Variants in DLGAP2 observed in about 807,000 individuals in gnomAD.
DLGAP2 encodes the protein DLG associated protein 2.
Under a neutral mutation model 100.3 loss-of-function variants are expected in DLGAP2, and 26 were observed. That is an observed-to-expected ratio of 0.26 (90% CI 0.19 to 0.36). DLGAP2 has a LOEUF of 0.36. DLGAP2 is among the 10% of genes least tolerant of loss of function. The pLI, the probability that DLGAP2 is intolerant of heterozygous loss-of-function variation, is 1.00. For synonymous variants in DLGAP2, 886 were observed against 630.1 expected, an observed-to-expected ratio of 1.41 and a Z score of -6.08; for missense variants, 1,858 against 1,453.2, an observed-to-expected ratio of 1.28 and a Z score of -4.53.
intron 4 of DLGAP2, among the ~76,000 whole-genome samples, chr8:1,543,654 C>G (rs1269216096): frequency 1.3e-5 from 2 of 152,116 alleles, no homozygotes; most frequent in Admixed American, 6.5e-5. Context: ...GTTTTTGCTT[C>G]TCAGGACCCA....
chr8:1,241,701 A>G (rs942922960), intron 2 of DLGAP2, among the ~76,000 whole-genome samples: 10 of 152,108 alleles, frequency 6.6e-5, no homozygotes, highest in African/African-American at 2.4e-4. Context: ...TTTCAGGGCA[A>G]GTGTGTAATT....
chr8:1,302,807 C>A (rs1380561930), intron 3 of DLGAP2, among the ~76,000 whole-genome samples: 1 of 152,270 alleles, frequency 6.6e-6, no homozygotes, highest in African/African-American at 2.4e-5. Context: ...CTCTTCCCCT[C>A]GCCCCAGGAG....
At chr8:1,252,916 G>A (rs1428812434) in intron 2 of DLGAP2, among the ~76,000 whole-genome samples, 1 of 152,228 alleles carries the variant, frequency 6.6e-6, no homozygotes, top group East Asian at 1.9e-4. Flanking sequence ...GAGGGAGGCA[G>A]AGGAGGACAG....
At chr8:1,189,116 C>T (rs1467507327) in intron 2 of DLGAP2, among the ~76,000 whole-genome samples, 2 of 142,074 alleles carry the variant, frequency 1.4e-5, no homozygotes, top group Non-Finnish European at 3.0e-5. Flanking sequence ...ACACAGGGTT[C>T]GGGCCCCATG....
intron 3 of DLGAP2, among the ~76,000 whole-genome samples, chr8:1,462,587 C>T (rs1003979617): frequency 2.0e-5 from 3 of 152,126 alleles, no homozygotes; most frequent in African/African-American, 7.2e-5. Context: ...GCTGCTGTCA[C>T]GGGACTGTGG....
chr8:1,023,484 C>A (rs1231463902), intron 2 of DLGAP2, among the ~76,000 whole-genome samples: 8 of 152,178 alleles, frequency 5.3e-5, no homozygotes, highest in African/African-American at 1.9e-4. Context: ...TTGCACACCG[C>A]AGCACCTGGC....
intron 14 of DLGAP2, 35 bp from the exon 15 acceptor site, chr8:1,701,153 A>G: frequency 6.5e-7 from 1 of 1,542,486 alleles, no homozygotes. Context: ...CCCTCCTCCG[A>G]GCACCTGCCA....
chr8:1,081,623 T>C (rs1345701141), intron 2 of DLGAP2, among the ~76,000 whole-genome samples: 1 of 152,202 alleles, frequency 6.6e-6, no homozygotes, highest in Non-Finnish European at 1.5e-5. Context: ...AGTGCATGGA[T>C]TACAGGCGTG....
At chr8:1,056,318 G>C (rs1052755559) in intron 2 of DLGAP2, among the ~76,000 whole-genome samples, 1 of 152,148 alleles carries the variant, frequency 6.6e-6, no homozygotes, top group Non-Finnish European at 1.5e-5. Flanking sequence ...TCACATAACT[G>C]TTCCGTGCAT....
At chr8:1,319,009 G>A (rs1452615155) in intron 3 of DLGAP2, among the ~76,000 whole-genome samples, 1 of 152,094 alleles carries the variant, frequency 6.6e-6, no homozygotes, top group Non-Finnish European at 1.5e-5. Flanking sequence ...GGAGATTTAG[G>A]TGGTGTATCA....
intron 2 of DLGAP2, among the ~76,000 whole-genome samples, chr8:1,185,296 A>G (rs944635786): frequency 1.6e-4 from 25 of 152,066 alleles, no homozygotes; most frequent in African/African-American, 5.3e-4. Context: ...CTGTGGTGCA[A>G]TGGACATAAG....
At chr8:1,305,311 TG>T (rs879295306) in intron 3 of DLGAP2, among the ~76,000 whole-genome samples, 1 of 152,212 alleles carries the variant, frequency 6.6e-6, no homozygotes, top group Non-Finnish European at 1.5e-5. Flanking sequence ...CAGTGGCTGT[TG>T]TTTCTGGGAT....
At chr8:1,130,409 AC>A (rs1288456599) in intron 2 of DLGAP2, among the ~76,000 whole-genome samples, 4 of 152,234 alleles carry the variant, frequency 2.6e-5, no homozygotes, top group African/African-American at 9.7e-5. Context: ...TCAAAGTAAA[AC>A]AATATCAACA....
intron 1 of DLGAP2, among the ~76,000 whole-genome samples, chr8:764,561 G>C (rs1337050392): frequency 6.6e-6 from 1 of 152,198 alleles, no homozygotes; most frequent in East Asian, 1.9e-4. Flanking sequence ...TTGTGGTCTA[G>C]CCTTGTCACC....
chr8:909,367 A>G (rs1798440582), intron 2 of DLGAP2, among the ~76,000 whole-genome samples: 2 of 152,226 alleles, frequency 1.3e-5, no homozygotes, highest in Admixed American at 6.5e-5. Context: ...TCATTACTCT[A>G]AGAAACATCA....
At chr8:1,065,249 G>C (rs1051816907) in intron 2 of DLGAP2, among the ~76,000 whole-genome samples, 13 of 152,188 alleles carry the variant, frequency 8.5e-5, no homozygotes, top group African/African-American at 3.1e-4. Context: ...CCATTGCCAG[G>C]AATTTGATTA....
chr8:802,608 C>G (rs1171238837), intron 1 of DLGAP2, among the ~76,000 whole-genome samples: 2 of 152,176 alleles, frequency 1.3e-5, no homozygotes. Context: ...CAGCCACCCT[C>G]AGAACCCACA....
At chr8:990,134 T>G (rs1800615389) in intron 2 of DLGAP2, among the ~76,000 whole-genome samples, 1 of 152,092 alleles carries the variant, frequency 6.6e-6, no homozygotes, top group African/African-American at 2.4e-5. Flanking sequence ...TCTATCAGCC[T>G]GATGATTTGA....
intron 2 of DLGAP2, among the ~76,000 whole-genome samples, chr8:922,968 T>C (rs1188255299): frequency 6.6e-6 from 1 of 152,140 alleles, no homozygotes; most frequent in East Asian, 1.9e-4. Flanking sequence ...GGCTGGGAAT[T>C]GCAAGCCCTG....
Sources: gnomAD v4.1 joint callset for allele counts (sites outside exome capture counted in the v4.1 genomes callset) on GRCh38, gnomAD v4.1.1 for gene constraint, MANE v1.5 for transcripts, NCBI Gene and HGNC (gene_info 2026-07-23, HGNC 2026-07-21) for gene names.